CDH16: variants seen among roughly 807,000 people sequenced by gnomAD.
CDH16 encodes the protein cadherin-16.
CDH16 carries 79 observed loss-of-function variants against 87.6 expected under a neutral mutation model. That is an observed-to-expected ratio of 0.90 (90% confidence interval 0.75 to 1.09). The LOEUF (loss-of-function observed/expected upper bound fraction) is 1.09, where lower values mean the gene tolerates loss of function less well. Among genes scored for constraint, CDH16 ranks in the 50% least tolerant of loss-of-function variants. CDH16 has a pLI of 0.00. For missense variants in CDH16, 1,124 were observed against 1,071.7 expected (o/e 1.05, Z -0.68); for synonymous variants, 457 against 439.5 (o/e 1.04, Z -0.50).
chr16:66,918,224 A>C (rs2145476830), intron 1 of CDH16, 146 bp from the exon 2 acceptor site: 1 of 554,100 alleles, frequency 1.8e-6, no homozygotes, highest in East Asian at 3.3e-5. Flanking sequence ...CCTGCAGGGT[A>C]GTGCCCTGCT....
In CDH16 at chr16:66,911,989, T is replaced by C; in HGVS notation, c.1700A>G (p.Glu567Gly). ...GATGGGGACACTGGCCTCGTAGCTCTCCTGGTCCAACTTGGGGGGTGGCAT... is the reference window on the plus strand; with the variant it reads ...GATGGGGACACTGGCCTCGTAGCTCCCCTGGTCCAACTTGGGGGGTGGCAT... ...RVMPPPKLDQ[E>G]SYEASVPISA... Residue 567 changes from glutamate to glycine, a missense_variant, in exon 13 of 18, where the codon GAG becomes GGG. Physicochemically the swap from Glu to Gly is moderately conservative, Grantham distance 98. Transcript: ENST00000299752. The C allele has an allele frequency of 6.2e-7, 1 of 1,614,112 alleles. No individual in the cohort carries two copies. Among genetic ancestry groups the C allele is most frequent in the Non-Finnish European group, 8.5e-7 (1 of 1,180,012 alleles).
rs558954232 is a variant in CDH16 at position 66,913,245 on chromosome 16, C to G, written c.940G>C (p.Glu314Gln). Residue 314 changes from glutamate (E) to glutamine (Q), a missense_variant, in exon 9 of 18, where the codon GAG becomes CAG. Coordinates refer to ENST00000299752, the MANE Select transcript of CDH16 (RefSeq NM_004062.4). ...LQVRAQNSHGEDYAAPLELHV... is the reference protein window; with the variant it reads ...LQVRAQNSHGQDYAAPLELHV... ...AGCTCCAGAGGGGCCGCATAGTCCTCGCCATGGGAATTCTGAGCCCGCACC... is the reference window on the plus strand; with the variant it reads ...AGCTCCAGAGGGGCCGCATAGTCCTGGCCATGGGAATTCTGAGCCCGCACC... 5 of 1,566,728 alleles carry G rather than the reference C, an allele frequency of 3.2e-6. No homozygotes were observed. In the South Asian group the frequency reaches 6.0e-5, roughly 19 times the overall value.
At chr16:66,913,692 G>A (rs1175010557) in intron 7 of CDH16, 79 bp from the exon 8 acceptor site, 8 of 1,561,188 alleles carry the variant, frequency 5.1e-6, no homozygotes, top group Non-Finnish European at 6.1e-6. Flanking sequence ...TCGTTGAGGA[G>A]CCTGAGCCCA....
intron 6 of CDH16, 108 bp from the exon 7 acceptor site, chr16:66,914,520 G>A: frequency 1.3e-6 from 1 of 764,132 alleles, no homozygotes. Context: ...CAGGTGATTG[G>A]GACACTCTCT....
Position 66,918,030 on chromosome 16 carries a change from G to T in CDH16, c.36C>A (p.Ser12=). Residue 12 remains serine (S), a synonymous_variant, in exon 2 of 18, where the codon TCC becomes TCA. Transcript: ENST00000299752. ...GCAGGGCCTAGCTCACCTGGGGGACGGAGACACAAAGCAGCCACAGCCAGG... is the reference window on the plus strand; with the variant it reads ...GCAGGGCCTAGCTCACCTGGGGGACTGAGACACAAAGCAGCCACAGCCAGG... ...VPAWLWLLCV[S]VPQALPKAQP... is the part of the protein sequence containing the mutation. 6.3e-7 allele frequency: 1 copy of T among 1,582,846 alleles called. No homozygotes were observed. Among genetic ancestry groups the T allele is most frequent in the Admixed American group, 1.8e-5 (1 of 55,262 alleles).
intron 7 of CDH16, 142 bp from the exon 8 acceptor site, chr16:66,913,755 G>C (rs1309613412): frequency 1.8e-6 from 2 of 1,114,350 alleles, no homozygotes; most frequent in East Asian, 2.6e-5. Context: ...GTCCAGGTGG[G>C]ATCCTTCTGT....
chr16:66,912,029 G>T lies in CDH16; in HGVS notation c.1660C>A (p.Leu554Ile). The T allele has an allele frequency of 6.2e-7, 1 of 1,614,116 alleles. No individual in the cohort carries two copies. The highest frequency in any genetic ancestry group is 8.5e-7 in the Non-Finnish European group (1 of 1,180,020). Residue 554 changes from leucine (L) to isoleucine (I), a missense_variant, in exon 13 of 18, where the codon CTA becomes ATA. Leu to Ile is a conservative substitution (Grantham distance 5). Transcript: ENST00000299752. ...GGGGGTGGCATCACTCTCTCCACTA[G>T]CACAGTCACCGTGGCGGTGGCTCCA... Reference protein sequence around the residue: ...GPGATATVTVLVERVMPPPKL... With the variant: ...GPGATATVTVIVERVMPPPKL...
rs781673253 is a variant in CDH16, at chr16:66,910,449, G to A, written c.1978C>T (p.Pro660Ser). ...APLVIHFLKA[P>S]PAPALTLAPV... is the part of the protein sequence containing the mutation. ...GCAAGAGTCAGGGCTGGGGCAGGAG[G>A]GGCCTTTAGGAAGTGGATCACCAGG... is the stretch of plus-strand genomic sequence containing the variant. The change falls in exon 15 of 18, where the codon CCT (proline) becomes TCT (serine). Residue 660 changes from proline to serine, a missense_variant. Physicochemically the swap from Pro to Ser is moderately conservative, Grantham distance 74. Transcript: ENST00000299752. 2.6e-5 allele frequency: 41 copies of A among 1,575,900 alleles called. No individual in the cohort carries two copies. The African/African-American group carries it at 4.5e-4, about 17-fold the overall frequency.
Position 66,908,133 on chromosome 16 carries a change from T to C in CDH16, c.*259A>G, listed in dbSNP as rs999914920. ...CTGAGACACAGACATACCAATCCCA[T>C]AGGGCCCAGCCCAGTTCTCTGGGGC... On this transcript the variant is annotated 3_prime_UTR_variant, in exon 18 of 18. Transcript: ENST00000299752. 5 of 522,978 alleles carry C rather than the reference T, an allele frequency of 9.6e-6. No homozygotes were observed. The highest frequency in any genetic ancestry group is 1.9e-5 in the African/African-American group (1 of 52,570). The allele number at this position is 522,978 out of a possible 1,614,324, so 32.4% of individuals were successfully genotyped here.
intron 8 of CDH16, 99 bp downstream of exon 8, chr16:66,913,392 A>G (rs1962523450): frequency 1.3e-6 from 2 of 1,573,658 alleles, no homozygotes; most frequent in African/African-American, 2.7e-5. Context: ...GCTCTTTCCC[A>G]CTGCCTCAGC....
chr16:66,917,633 C>A lies in CDH16; in HGVS notation c.129+9G>T. 1 of 1,609,708 alleles carries A rather than the reference C, an allele frequency of 6.2e-7. No individual in the cohort carries two copies. Among genetic ancestry groups the A allele is most frequent in the Non-Finnish European group, 8.5e-7 (1 of 1,176,976 alleles). On this transcript the variant is annotated intron_variant, in intron 3 of 17. Transcript: ENST00000299752. Reference sequence around the variant, plus strand: ...TCCCCCCGGCCCCAACCCCAGCTCTCCGGCTCACCTTGGTCAGGTATAAAG... The same window carrying A: ...TCCCCCCGGCCCCAACCCCAGCTCTACGGCTCACCTTGGTCAGGTATAAAG...
intron 11 of CDH16, 23 bp from the exon 12 acceptor site, chr16:66,912,453 G>A (rs536155121): frequency 6.2e-7 from 1 of 1,614,046 alleles, no homozygotes; most frequent in Admixed American, 1.7e-5. Flanking sequence ...GAGGGATGGT[G>A]AGCCCCCCAC....
intron 17 of CDH16, 92 bp from the exon 18 acceptor site, chr16:66,908,581 T>C: frequency 1.0e-6 from 1 of 1,001,600 alleles, no homozygotes; most frequent in Non-Finnish European, 1.6e-6. Flanking sequence ...ATTGGATTAA[T>C]GAAGAGATGA....
chr16:66,912,990 T>C, intron 9 of CDH16, 99 bp from the exon 10 acceptor site: 1 of 1,295,464 alleles, frequency 7.7e-7, no homozygotes, highest in South Asian at 1.3e-5. Context: ...GAATTTGAGC[T>C]CGTGTGTGTG....
chr16:66,911,721 C>G (rs1042066065), intron 13 of CDH16, among the ~76,000 whole-genome samples, 178 bp downstream of exon 13: 1 of 152,230 alleles, frequency 6.6e-6, no homozygotes, highest in Admixed American at 6.5e-5. Flanking sequence ...CACCCCTCTC[C>G]ATGCCCCACC....
intron 9 of CDH16, 56 bp from the exon 10 acceptor site, chr16:66,912,947 C>T: frequency 6.7e-7 from 1 of 1,501,566 alleles, no homozygotes; most frequent in Non-Finnish European, 9.1e-7. Context: ...AGACCTTACC[C>T]CACCCACTCC....
At chr16:66,912,953 A>G in intron 9 of CDH16, 62 bp from the exon 10 acceptor site, 1 of 1,486,742 alleles carries the variant, frequency 6.7e-7, no homozygotes, top group Non-Finnish European at 9.2e-7. Context: ...TACCCCACCC[A>G]CTCCTTATTT....
chr16:66,912,961 T>C, intron 9 of CDH16, 70 bp from the exon 10 acceptor site: 1 of 1,478,740 alleles, frequency 6.8e-7, no homozygotes, highest in Non-Finnish European at 9.3e-7. Context: ...CCACTCCTTA[T>C]TTTGTGCCAA....
chr16:66,913,177 G>C lies in CDH16; in HGVS notation c.1008C>G (p.Cys336Trp). 2.5e-6 allele frequency: 4 copies of C among 1,608,810 alleles called. No individual in the cohort carries two copies. The highest frequency in any genetic ancestry group is 3.4e-6 in the Non-Finnish European group (4 of 1,177,530). ...TGCTGACTGTGGGGTCACGGGGAGG[G>C]CAGATAGGCACGTTGTCATTCTCAT... ...VMDENDNVPI[C>W]PPRDPTVSIP... is the part of the protein sequence containing the mutation. Residue 336 changes from cysteine (C) to tryptophan (W), a missense_variant, in exon 9 of 18, where the codon TGC becomes TGG. Cys to Trp is a radical substitution (Grantham distance 215). Coordinates refer to ENST00000299752, the MANE Select transcript of CDH16 (RefSeq NM_004062.4).
Sources: gnomAD v4.1 joint callset for allele counts (sites outside exome capture counted in the v4.1 genomes callset) on GRCh38, gnomAD v4.1.1 for gene constraint, MANE v1.5 for transcripts, NCBI Gene and HGNC (gene_info 2026-07-23, HGNC 2026-07-21) for gene names.